TAFA5: variants seen among roughly 807,000 people sequenced by gnomAD.
The protein encoded by TAFA5 is chemokine-like protein TAFA-5.
A neutral mutation model predicts 15.3 loss-of-function variants in TAFA5; 6 were observed. That is an observed-to-expected ratio of 0.39 (90% CI 0.21 to 0.77). The LOEUF (loss-of-function observed/expected upper bound fraction) is 0.77. Among genes scored for constraint, TAFA5 ranks in the 30% least tolerant of loss-of-function variants. The pLI is 0.41. For synonymous variants in TAFA5, 103 were observed against 80.7 expected (o/e 1.28, Z -1.48); for missense variants, 161 against 193.1 (o/e 0.83, Z 0.98).
chr22:48,670,713 T>C (rs922914004), intron 2 of TAFA5, among the ~76,000 whole-genome samples: 3 of 152,210 alleles, frequency 2.0e-5, no homozygotes, highest in African/African-American at 7.2e-5. Flanking sequence ...CATCAGGATG[T>C]AGGAAAATGC....
At chr22:48,633,988 G>C (rs1465614652) in intron 1 of TAFA5, among the ~76,000 whole-genome samples, 1 of 152,148 alleles carries the variant, frequency 6.6e-6, no homozygotes. Context: ...TCACTCAGAG[G>C]GCCTGGGGTC....
chr22:48,709,436 C>T (rs1297286528), intron 3 of TAFA5, among the ~76,000 whole-genome samples: 1 of 152,144 alleles, frequency 6.6e-6, no homozygotes, highest in African/African-American at 2.4e-5. Context: ...CGTTACCGCC[C>T]TGAGTCTCCA....
At chr22:48,555,325 C>G (rs1200594319) in intron 1 of TAFA5, among the ~76,000 whole-genome samples, 2 of 152,214 alleles carry the variant, frequency 1.3e-5, no homozygotes, top group African/African-American at 4.8e-5. Flanking sequence ...TCCTCCCTTT[C>G]GCTCTCAGAG....
At chr22:48,670,787 A>G (rs1435837315) in intron 2 of TAFA5, among the ~76,000 whole-genome samples, 1 of 152,106 alleles carries the variant, frequency 6.6e-6, no homozygotes, top group Non-Finnish European at 1.5e-5. Context: ...TGTGAGGGCA[A>G]TTTTACATGA....
chr22:48,746,355 A>G (rs1295916056), intron 3 of TAFA5, among the ~76,000 whole-genome samples: 1 of 152,038 alleles, frequency 6.6e-6, no homozygotes, highest in Non-Finnish European at 1.5e-5. Context: ...TCAGCTGGAC[A>G]TGGTGGCACG....
chr22:48,587,792 T>C (rs1454028139), intron 1 of TAFA5, among the ~76,000 whole-genome samples: 1 of 152,186 alleles, frequency 6.6e-6, no homozygotes, highest in East Asian at 1.9e-4. Context: ...TGCCTTTTCT[T>C]CTCCTTTTGC....
intron 1 of TAFA5, among the ~76,000 whole-genome samples, chr22:48,572,335 G>A (rs986927039): frequency 5.3e-5 from 8 of 152,218 alleles, no homozygotes; most frequent in Non-Finnish European, 1.0e-4. Context: ...AGCACTTACT[G>A]TATTCCCTGG....
intron 1 of TAFA5, among the ~76,000 whole-genome samples, chr22:48,615,983 A>G (rs1394568292): frequency 6.6e-6 from 1 of 152,114 alleles, no homozygotes; most frequent in Non-Finnish European, 1.5e-5. Context: ...GGCTGTGAAG[A>G]GCTGAACTGG....
At chr22:48,690,185 C>T (rs73435862) in intron 2 of TAFA5, among the ~76,000 whole-genome samples, 2,063 of 152,182 alleles carry the variant, frequency 0.014, 43 homozygotes, top group African/African-American at 0.048. Flanking sequence ...GGCAAGGGGA[C>T]GGGGCTCCCA....
intron 2 of TAFA5, among the ~76,000 whole-genome samples, chr22:48,701,613 A>T (rs1314262520): frequency 6.6e-6 from 1 of 152,210 alleles, no homozygotes; most frequent in Non-Finnish European, 1.5e-5. Context: ...GGGTCGCCCA[A>T]CCGTTTTTGG....
chr22:48,518,143 G>A (rs562488106), intron 1 of TAFA5, among the ~76,000 whole-genome samples: 4 of 152,264 alleles, frequency 2.6e-5, no homozygotes, highest in African/African-American at 4.8e-5. Context: ...CAGGCCACCC[G>A]GTAGGTCTGG....
intron 2 of TAFA5, among the ~76,000 whole-genome samples, chr22:48,692,176 A>G (rs1928564494): frequency 6.6e-6 from 1 of 151,900 alleles, no homozygotes; most frequent in Non-Finnish European, 1.5e-5. Context: ...TCCTTCAGCA[A>G]TGGCCTGTGG....
At chr22:48,695,881 C>T (rs1227581222) in intron 2 of TAFA5, among the ~76,000 whole-genome samples, 1 of 152,212 alleles carries the variant, frequency 6.6e-6, no homozygotes, top group Non-Finnish European at 1.5e-5. Flanking sequence ...TACAGCATCA[C>T]TCAGTCCCTA....
chr22:48,500,711 C>T (rs1253624529), intron 1 of TAFA5, among the ~76,000 whole-genome samples: 3 of 152,236 alleles, frequency 2.0e-5, no homozygotes, highest in African/African-American at 7.2e-5. Context: ...GTATCTAGCT[C>T]GTAGTAGCAC....
chr22:48,674,568 C>T (rs1050420012), intron 2 of TAFA5, among the ~76,000 whole-genome samples: 7 of 152,122 alleles, frequency 4.6e-5, no homozygotes, highest in African/African-American at 1.2e-4. Context: ...GTTTGGGCGT[C>T]GACATTGGGG....
At chr22:48,671,856 G>T (rs1474442561) in intron 2 of TAFA5, among the ~76,000 whole-genome samples, 1 of 152,196 alleles carries the variant, frequency 6.6e-6, no homozygotes, top group Admixed American at 6.5e-5. Context: ...GGCAAAGAGA[G>T]AAGGTGCATG....
intron 1 of TAFA5, among the ~76,000 whole-genome samples, chr22:48,607,447 C>T (rs56407819): frequency 7.1e-5 from 10 of 140,746 alleles, no homozygotes; most frequent in Non-Finnish European, 1.4e-4. Flanking sequence ...GCCCACCCAT[C>T]CCAGGTACCT....
At chr22:48,720,153 T>TGTGGC (rs1344963645) in intron 3 of TAFA5, among the ~76,000 whole-genome samples, 2 of 152,082 alleles carry the variant, frequency 1.3e-5, no homozygotes, top group East Asian at 3.9e-4. Context: ...ACCCAGTGGG[T>TGTGGC]GTGGCGGGGC....
At chr22:48,721,085 C>T (rs550891978) in intron 3 of TAFA5, among the ~76,000 whole-genome samples, 3 of 152,308 alleles carry the variant, frequency 2.0e-5, no homozygotes, top group Non-Finnish European at 4.4e-5. Flanking sequence ...GTTGCCCAAG[C>T]AGGAAGGTGG....
Sources: gnomAD v4.1 joint callset for allele counts (sites outside exome capture counted in the v4.1 genomes callset) on GRCh38, gnomAD v4.1.1 for gene constraint, MANE v1.5 for transcripts, NCBI Gene and HGNC (gene_info 2026-07-23, HGNC 2026-07-21) for gene names.